Variants in KHNYN observed in about 807,000 individuals in gnomAD.
The protein encoded by KHNYN is protein KHNYN.
Under a neutral mutation model 62.7 loss-of-function variants are expected in KHNYN, and 42 were observed. The observed-to-expected ratio is 0.67, with a 90% CI of 0.52 to 0.87. KHNYN has a LOEUF of 0.87. Among genes scored for constraint, KHNYN ranks in the 40% least tolerant of loss-of-function variants. The probability of loss-of-function intolerance (pLI) is 0.00; values close to 1 mark genes in which losing one functional copy is unlikely to be tolerated. For missense variants in KHNYN, 829 were observed against 874.1 expected (o/e 0.95, Z 0.65); for synonymous variants, 347 against 345.6 (o/e 1.00, Z -0.04).
chr14:24,430,826 G>T lies in KHNYN; in HGVS notation c.96G>T (p.Glu32Asp). The T allele has an allele frequency of 6.2e-7, 1 of 1,613,038 alleles. No homozygotes were observed. The highest frequency in any genetic ancestry group is 8.5e-7 in the Non-Finnish European group (1 of 1,179,570). ...NKVREQQPHV[E>D]RIFSVGVSVL... Reference sequence around the variant, plus strand: ...TTCGGGAACAGCAGCCCCATGTGGAGCGCATCTTCAGCGTGGGGGTGAGCG... The same window carrying T: ...TTCGGGAACAGCAGCCCCATGTGGATCGCATCTTCAGCGTGGGGGTGAGCG... The change falls in exon 2 of 8, where the codon GAG becomes GAT. Residue 32 changes from glutamate to aspartate, a missense_variant. Coordinates refer to ENST00000553935, the MANE Select transcript of KHNYN (RefSeq NM_015299.3).
upstream of KHNYN, chr14:24,428,474 A>G (rs771239721): frequency 1.6e-5 from 25 of 1,561,124 alleles, no homozygotes; most frequent in Non-Finnish European, 2.2e-5. Context: ...CATGGGGACT[A>G]GGGGCAGGGG....
Position 24,441,794 on chromosome 14 carries a change from A to G in KHNYN, c.*4509A>G. On this transcript the variant is annotated 3_prime_UTR_variant, in exon 8 of 8. Coordinates refer to ENST00000553935, the MANE Select transcript of KHNYN (RefSeq NM_015299.3). ...ACCTCTTTTTGGAAGGTTTCATTCC[A>G]TCTGCAGGAGAAACATGGGAAATAA... The G allele has an allele frequency of 5.6e-6, 9 of 1,605,884 alleles. No homozygotes were observed. The highest frequency in any genetic ancestry group is 7.6e-6 in the Non-Finnish European group (9 of 1,177,064).
At chr14:24,433,832 A>G (rs1292706171) in intron 5 of KHNYN, among the ~76,000 whole-genome samples, 1 of 152,232 alleles carries the variant, frequency 6.6e-6, no homozygotes, top group Non-Finnish European at 1.5e-5. Flanking sequence ...AAGCTGCCAG[A>G]TGGTTTGAAT....
Position 24,430,928 on chromosome 14 carries a change from C to CA in KHNYN, c.200dup (p.Glu68GlyfsTer14). 5 of 1,611,306 alleles carry CA rather than the reference C, an allele frequency of 3.1e-6. No individual in the cohort carries two copies. The highest frequency in any genetic ancestry group is 4.2e-6 in the Non-Finnish European group (5 of 1,177,860). ...GCCCCAAGGAAAACGCCAGCAGAGC[C>CA]AAGGTGAACGCCTTCTCTCCCCCAT... On this transcript the variant is annotated frameshift_variant, in exon 2 of 8. Coordinates refer to ENST00000553935, the MANE Select transcript of KHNYN (RefSeq NM_015299.3). LOFTEE classifies it high-confidence loss of function.
intron 5 of KHNYN, 80 bp downstream of exon 5, chr14:24,433,112 T>G (rs1374318834): frequency 7.7e-7 from 1 of 1,295,906 alleles, no homozygotes; most frequent in East Asian, 2.3e-5. Context: ...AAGCTCCTGG[T>G]GGTTTACGCT....
rs1190723807 is a variant in KHNYN, at chr14:24,431,641, C to G, written c.380C>G (p.Ala127Gly). Residue 127 changes from alanine (A) to glycine (G), a missense_variant, in exon 3 of 8, where the codon GCC becomes GGC. Ala to Gly is a moderately conservative substitution (Grantham distance 60). Transcript: ENST00000553935. ...GSLMISGLTE[A>G]FVMAQSRVEE... Reference sequence around the variant, plus strand: ...CTGATGATCAGTGGCCTGACTGAAGCCTTTGTCATGGCTCAGAGCCGGGTA... The same window carrying G: ...CTGATGATCAGTGGCCTGACTGAAGGCTTTGTCATGGCTCAGAGCCGGGTA... 6.2e-7 allele frequency: 1 copy of G among 1,613,818 alleles called. No homozygotes were observed. Among genetic ancestry groups the G allele is most frequent in the African/African-American group, 1.3e-5 (1 of 74,942 alleles).
At chr14:24,428,075 G>A, upstream of KHNYN, 1 of 1,429,934 alleles carries the variant, frequency 7.0e-7, no homozygotes. Flanking sequence ...GGGAAGCTGG[G>A]TTTTAATGGG....
chr14:24,425,030 T>A (rs929002115), upstream of KHNYN, among the ~76,000 whole-genome samples: 2 of 152,136 alleles, frequency 1.3e-5, no homozygotes, highest in Non-Finnish European at 2.9e-5. Context: ...CGAAACCCCA[T>A]CTTTACTAAA....
rs765617783 is a variant in KHNYN, at chr14:24,440,168, T to C, written c.*2883T>C. ...GGCCAGTGTTCGCTGTGGGATCACC[T>C]TCTGGCCCTCCAGCAGCATGATGGC... On this transcript the variant is annotated 3_prime_UTR_variant, in exon 8 of 8. Coordinates refer to ENST00000553935, the MANE Select transcript of KHNYN (RefSeq NM_015299.3). 1.9e-6 allele frequency: 3 copies of C among 1,613,868 alleles called. No individual in the cohort carries two copies. In the East Asian group the frequency reaches 6.7e-5, roughly 36 times the overall value.
the KHNYN span, among the ~76,000 whole-genome samples, chr14:24,423,259 C>T: frequency 6.6e-6 from 1 of 152,240 alleles, no homozygotes; most frequent in Non-Finnish European, 1.5e-5. Context: ...ATATCTACAA[C>T]TACTTCCATG....
intron 5 of KHNYN, 71 bp from the exon 6 acceptor site, chr14:24,435,999 ATC>A (rs2043198142): frequency 5.2e-6 from 6 of 1,143,828 alleles, no homozygotes; most frequent in Non-Finnish European, 6.6e-6. Flanking sequence ...TGTAACCATG[ATC>A]CAAACAGTGA....
Position 24,431,860 on chromosome 14 carries a change from G to A in KHNYN, c.599G>A (p.Gly200Glu), listed in dbSNP as rs762958851. The change falls in exon 3 of 8, where the codon GGG (glycine) becomes GAG (glutamate). Residue 200 changes from glycine (G) to glutamate (E), a missense_variant. Physicochemically the swap from Gly to Glu is moderately conservative, Grantham distance 98. Around this residue, in one of 2 missense-constraint regions of KHNYN, gnomAD observed 559 missense variants for 527.0 expected, o/e 1.06. Transcript: ENST00000553935. Reference protein sequence around the residue: ...LLSLVQEASSGQGPGALASWE... With the variant: ...LLSLVQEASSEQGPGALASWE... Reference sequence around the variant, plus strand: ...AGTCTGGTGCAGGAGGCGTCTAGTGGGCAGGGGCCAGGAGCACTGGCTTCT... The same window carrying A: ...AGTCTGGTGCAGGAGGCGTCTAGTGAGCAGGGGCCAGGAGCACTGGCTTCT... The A allele has an allele frequency of 1.2e-6, 2 of 1,614,098 alleles. No individual in the cohort carries two copies. The highest frequency in any genetic ancestry group is 2.2e-5 in the South Asian group (2 of 91,088).
Position 24,430,018 on chromosome 14 carries a change from G to C in KHNYN, c.-119G>C, listed in dbSNP as rs2139375055. ...TGAGGAACCCGGGAAGGCCCGCCCA[G>C]ATTCGGGCCCCCTGCCCTTGTCCCC... On this transcript the variant is annotated 5_prime_UTR_variant, in exon 1 of 8. Transcript: ENST00000553935. 2.0e-6 allele frequency: 2 copies of C among 985,792 alleles called. No homozygotes were observed. The highest frequency in any genetic ancestry group is 2.4e-6 in the Non-Finnish European group (2 of 830,062). 61.1% of individuals were successfully genotyped at this position (985,792 alleles called of 1,614,324 possible).
At chr14:24,423,400 G>A in the KHNYN span, among the ~76,000 whole-genome samples, 1 of 152,158 alleles carries the variant, frequency 6.6e-6, no homozygotes, top group Non-Finnish European at 1.5e-5. Context: ...ACTGGTGGAT[G>A]AGGATAGCAG....
At position 24,431,965 on chromosome 14, in the gene KHNYN, T is replaced by A; in HGVS notation, c.704T>A (p.Leu235Gln). The A allele has an allele frequency of 6.2e-7, 1 of 1,612,924 alleles. No individual in the cohort carries two copies. Among genetic ancestry groups the A allele is most frequent in the Non-Finnish European group, 8.5e-7 (1 of 1,179,230 alleles). Residue 235 changes from leucine (L) to glutamine (Q), a missense_variant, in exon 3 of 8, where the codon CTG becomes CAG. Transcript: ENST00000553935. ...CCCCCTAGTGACGGCAGGGAGTCCC[T>A]GGACACTGGATCTATGGGACCCGGA... Reference protein sequence around the residue: ...RAPPSDGRESLDTGSMGPGDC... With the variant: ...RAPPSDGRESQDTGSMGPGDC...
rs2043267951 is a variant in KHNYN, at chr14:24,439,883, A to G, written c.*2598A>G. 7.5e-6 allele frequency: 4 copies of G among 531,182 alleles called. No individual in the cohort carries two copies. The highest frequency in any genetic ancestry group is 4.8e-4 in the Middle Eastern group (1 of 2,098). The allele number at this position is 531,182 out of a possible 1,614,324, so 32.9% of individuals were successfully genotyped here. A position where few individuals can be genotyped will look rare whatever the true frequency, so the allele number is the denominator to read the frequency against. On this transcript the variant is annotated 3_prime_UTR_variant, in exon 8 of 8. Transcript: ENST00000553935. ...AACCAAACTGGGAAATCTTACAAGG[A>G]GTTGAAAAGATTAATGTCCCAACCT...
rs980423571 is a variant in KHNYN, at chr14:24,440,220, C to A, written c.*2935C>A. On this transcript the variant is annotated 3_prime_UTR_variant, in exon 8 of 8. Transcript: ENST00000553935. Reference sequence around the variant, plus strand: ...CGCTGTCGCCCAAAGACAGCTTGCACCACAGCGCTGGGGAGAGGGATGAAG... The same window carrying A: ...CGCTGTCGCCCAAAGACAGCTTGCAACACAGCGCTGGGGAGAGGGATGAAG... 1.9e-6 allele frequency: 3 copies of A among 1,613,974 alleles called. No homozygotes were observed. The highest frequency in any genetic ancestry group is 1.7e-4 in the Middle Eastern group (1 of 6,060).
chr14:24,431,926 A>C lies in KHNYN; in HGVS notation c.665A>C (p.Gln222Pro), dbSNP rs1025998130. 4 of 1,613,930 alleles carry C rather than the reference A, an allele frequency of 2.5e-6. No homozygotes were observed. In the Admixed American group the frequency reaches 5.0e-5, roughly 20 times the overall value. ...TCAGCCTTGCTGGGTGCTCAGTGCC[A>C]AGGAGTGAGAGCTCCCCCTAGTGAC... is the stretch of plus-strand genomic sequence containing the variant. ...RSSALLGAQC[Q>P]GVRAPPSDGR... The change falls in exon 3 of 8, where the codon CAA becomes CCA. Residue 222 changes from glutamine (Q) to proline (P), a missense_variant. Gln to Pro is a moderately conservative substitution (Grantham distance 76, BLOSUM62 -1). This residue lies in a region of KHNYN where 559 missense variants were observed against 527.0 expected (regional missense o/e 1.06). Coordinates refer to ENST00000553935, the MANE Select transcript of KHNYN (RefSeq NM_015299.3).
Position 24,441,181 on chromosome 14 carries a change from C to T in KHNYN, c.*3896C>T, listed in dbSNP as rs1171889576. 3 of 565,744 alleles carry T rather than the reference C, an allele frequency of 5.3e-6. No homozygotes were observed. The highest frequency in any genetic ancestry group is 9.5e-6 in the Non-Finnish European group (3 of 316,780). 35.0% of individuals were successfully genotyped at this position (565,744 alleles called of 1,614,324 possible). A position where few individuals can be genotyped will look rare whatever the true frequency, so the allele number is the denominator to read the frequency against. On this transcript the variant is annotated 3_prime_UTR_variant, in exon 8 of 8. Transcript: ENST00000553935. ...AGAACAGGAACTTGGGTACCAGGCG[C>T]CTGAATTTTAATCAGCTCCCTCATT...
Sources: allele counts gnomAD v4.1 joint callset (sites outside exome capture counted in the v4.1 genomes callset), GRCh38; gene constraint gnomAD v4.1.1; regional missense constraint gnomAD v4.1.1; transcripts MANE v1.5; gene names NCBI Gene and HGNC (gene_info 2026-07-23, HGNC 2026-07-21).